The following FTO variants were observed in gnomAD, a reference collection of about 807,000 sequenced individuals.
FTO encodes alpha-ketoglutarate-dependent dioxygenase FTO.
In FTO, 47 loss-of-function variants were observed where a neutral mutation model predicts 63.9. The ratio of observed to expected loss-of-function variants is 0.74; its 90% CI spans 0.58 to 0.94. The LOEUF is 0.94. Ranked by LOEUF, FTO falls within the 40% of genes least tolerant of loss-of-function variation. FTO has a pLI of 0.00. For missense variants in FTO, 562 were observed against 618.1 expected (o/e 0.91, Z 0.96); for synonymous variants, 207 against 224.4 (o/e 0.92, Z 0.69).
chr16:53,952,556 C>A (rs2082824894), intron 8 of FTO, among the ~76,000 whole-genome samples: 2 of 152,192 alleles, frequency 1.3e-5, no homozygotes, highest in African/African-American at 4.8e-5. Flanking sequence ...TATCATAATT[C>A]TTTTCCCCAG....
intron 4 of FTO, among the ~76,000 whole-genome samples, chr16:53,846,346 C>T (rs1004119119): frequency 6.6e-6 from 1 of 151,936 alleles, no homozygotes; most frequent in African/African-American, 2.4e-5. Context: ...TTTTGTACCA[C>T]GCAAATACAG....
chr16:53,893,790 G>GT (rs557189156), intron 7 of FTO, among the ~76,000 whole-genome samples: 110 of 152,160 alleles, frequency 7.2e-4, no homozygotes, highest in Admixed American at 1.4e-3. Context: ...GTTTTCCTTG[G>GT]TTTTTTCTTT....
chr16:53,975,477 C>A (rs1289760758), intron 8 of FTO, among the ~76,000 whole-genome samples: 2 of 151,866 alleles, frequency 1.3e-5, no homozygotes, highest in African/African-American at 4.8e-5. Flanking sequence ...GAAAGAAGCA[C>A]AAAATAGATT....
At chr16:53,878,508 T>A (rs1222336342) in intron 5 of FTO, among the ~76,000 whole-genome samples, 1 of 152,198 alleles carries the variant, frequency 6.6e-6, no homozygotes, top group Non-Finnish European at 1.5e-5. Flanking sequence ...GGCTTGTTGA[T>A]GTCGCATTGT....
chr16:53,854,710 T>A (rs1286183830), intron 4 of FTO, among the ~76,000 whole-genome samples: 1 of 152,226 alleles, frequency 6.6e-6, no homozygotes, highest in African/African-American at 2.4e-5. Flanking sequence ...TTAAGACAGA[T>A]AATGTGATGC....
intron 8 of FTO, among the ~76,000 whole-genome samples, chr16:54,059,070 C>T (rs1321441266): frequency 6.6e-6 from 1 of 152,206 alleles, no homozygotes; most frequent in Non-Finnish European, 1.5e-5. Context: ...GTTTCATCTT[C>T]TTATGCATGC....
intron 8 of FTO, among the ~76,000 whole-genome samples, chr16:53,967,557 C>A (rs1201992210): frequency 6.6e-6 from 1 of 152,084 alleles, no homozygotes; most frequent in African/African-American, 2.4e-5. Context: ...AGCTTACAAG[C>A]CAACGCAGTG....
At chr16:54,096,104 T>G (rs1241033335) in intron 8 of FTO, among the ~76,000 whole-genome samples, 1 of 152,164 alleles carries the variant, frequency 6.6e-6, no homozygotes, top group African/African-American at 2.4e-5. Flanking sequence ...TAGTAAATAT[T>G]TGTTGAATGA....
In FTO at chr16:53,979,553, G is replaced by C. The variant is rs76039185; in HGVS notation, c.1364+45444G>C. The C allele has an allele frequency of 6.7e-3, 2,647 of 395,192 alleles. 65 individuals are homozygous for C. Among genetic ancestry groups the C allele is most frequent in the African/African-American group, 0.049 (2,374 of 48,022 alleles). 24.5% of individuals were successfully genotyped at this position (395,192 alleles called of 1,614,324 possible). ...TTTATGGCTGTGTGTGTGTGTGTGT[G>C]TGTGTGTGTGTGTGCGCGCGTGTGT... On this transcript the variant is annotated intron_variant, in intron 8 of 8. Transcript: ENST00000471389.
intron 1 of FTO, among the ~76,000 whole-genome samples, chr16:53,751,848 C>T (rs536875305): frequency 6.6e-6 from 1 of 152,276 alleles, no homozygotes; most frequent in South Asian, 2.1e-4. Flanking sequence ...AGTGGATTGC[C>T]TATTTCCTAG....
intron 8 of FTO, among the ~76,000 whole-genome samples, chr16:53,949,980 A>G (rs2082732446): frequency 6.6e-6 from 1 of 151,818 alleles, no homozygotes; most frequent in Non-Finnish European, 1.5e-5. Flanking sequence ...TTATTTACTG[A>G]TGCATGAAGG....
intron 8 of FTO, among the ~76,000 whole-genome samples, chr16:54,037,993 C>T (rs1179624096): frequency 6.6e-6 from 1 of 152,196 alleles, no homozygotes; most frequent in Non-Finnish European, 1.5e-5. Context: ...TTAGAGCTAC[C>T]TGAACCTGTA....
intron 8 of FTO, among the ~76,000 whole-genome samples, chr16:53,980,938 A>C (rs1300734740): frequency 6.6e-6 from 1 of 152,208 alleles, no homozygotes; most frequent in African/African-American, 2.4e-5. Flanking sequence ...CATATTATAC[A>C]CAAGTATAAA....
chr16:54,089,214 T>C (rs1186481475), intron 8 of FTO, among the ~76,000 whole-genome samples: 2 of 152,198 alleles, frequency 1.3e-5, no homozygotes, highest in African/African-American at 4.8e-5. Context: ...AATGGAAACT[T>C]CCAATCTGAG....
At chr16:54,096,203 A>G (rs1175435949) in intron 8 of FTO, among the ~76,000 whole-genome samples, 1 of 152,206 alleles carries the variant, frequency 6.6e-6, no homozygotes, top group Non-Finnish European at 1.5e-5. Flanking sequence ...CTTCTTGATC[A>G]CTGACCCAGC....
At chr16:53,936,853 G>T (rs1438644159) in intron 8 of FTO, among the ~76,000 whole-genome samples, 1 of 152,182 alleles carries the variant, frequency 6.6e-6, no homozygotes, top group East Asian at 1.9e-4. Flanking sequence ...CAACGGAGCC[G>T]CCGCAGCTGG....
chr16:53,828,193 C>T (rs535460202), intron 3 of FTO, among the ~76,000 whole-genome samples: 12 of 152,186 alleles, frequency 7.9e-5, no homozygotes, highest in East Asian at 3.9e-4. Context: ...TCTGTAAGAG[C>T]GGTGTGCAAA....
chr16:54,054,119 T>G (rs995742394), intron 8 of FTO, among the ~76,000 whole-genome samples: 1 of 152,164 alleles, frequency 6.6e-6, no homozygotes, highest in Non-Finnish European at 1.5e-5. Context: ...CACTGTGTAA[T>G]GAGTTTTCTG....
intron 1 of FTO, among the ~76,000 whole-genome samples, chr16:53,719,415 T>G (rs2151484069): frequency 6.6e-6 from 1 of 152,162 alleles, no homozygotes; most frequent in South Asian, 2.1e-4. Flanking sequence ...TTTAGTTTTC[T>G]TCTTGAGTAA....
Sources: gnomAD v4.1 joint callset for allele counts (sites outside exome capture counted in the v4.1 genomes callset) on GRCh38, gnomAD v4.1.1 for gene constraint, MANE v1.5 for transcripts, NCBI Gene and HGNC (gene_info 2026-07-23, HGNC 2026-07-21) for gene names.